The following PRKG1 variants were observed in gnomAD, a reference collection of about 807,000 sequenced individuals.
PRKG1 encodes protein kinase cGMP-dependent 1.
A neutral mutation model predicts 88.1 loss-of-function variants in PRKG1; 35 were observed. The observed-to-expected ratio is 0.40, with a 90% CI of 0.30 to 0.53. The LOEUF (loss-of-function observed/expected upper bound fraction) is 0.53, where lower values mean the gene tolerates loss of function less well. PRKG1 is among the 20% of genes least tolerant of loss of function. The pLI, the probability that PRKG1 is intolerant of heterozygous loss-of-function variation, is 0.59. For missense variants in PRKG1, 540 were observed against 839.8 expected (o/e 0.64, Z 4.41); for synonymous variants, 303 against 292.5 (o/e 1.04, Z -0.37).
chr10:51,445,682 C>G (rs1454494104), intron 2 of PRKG1, among the ~76,000 whole-genome samples: 1 of 151,698 alleles, frequency 6.6e-6, no homozygotes, highest in Non-Finnish European at 1.5e-5. Context: ...TACTTGATTC[C>G]AGTATTTTTA....
chr10:51,803,505 C>T (rs942527633), intron 3 of PRKG1, among the ~76,000 whole-genome samples: 58 of 152,126 alleles, frequency 3.8e-4, no homozygotes, highest in Admixed American at 3.7e-3. Flanking sequence ...CCCCACAAGG[C>T]ACACACATGT....
chr10:52,174,762 C>A (rs1339392638), intron 9 of PRKG1, among the ~76,000 whole-genome samples: 1 of 151,958 alleles, frequency 6.6e-6, no homozygotes, highest in Admixed American at 6.6e-5. Flanking sequence ...TAATGAAGCA[C>A]ATATATTCCT....
intron 4 of PRKG1, among the ~76,000 whole-genome samples, chr10:51,895,079 A>AT (rs1230164557): frequency 6.6e-6 from 1 of 152,198 alleles, no homozygotes; most frequent in Non-Finnish European, 1.5e-5. Context: ...TCATTTAAAA[A>AT]TTGTTATATT....
At chr10:51,854,888 C>G (rs1446346034) in intron 4 of PRKG1, among the ~76,000 whole-genome samples, 6 of 151,834 alleles carry the variant, frequency 4.0e-5, no homozygotes, top group Non-Finnish European at 8.8e-5. Flanking sequence ...GGACTTGCGC[C>G]CACCAGCAGC....
At chr10:51,820,608 G>C (rs1839718899) in intron 4 of PRKG1, among the ~76,000 whole-genome samples, 1 of 152,080 alleles carries the variant, frequency 6.6e-6, no homozygotes, top group Admixed American at 6.5e-5. Context: ...CCTTGCTATG[G>C]CTTCAGAGCA....
chr10:51,784,191 A>G (rs1218059129), intron 3 of PRKG1, among the ~76,000 whole-genome samples: 6 of 151,990 alleles, frequency 3.9e-5, no homozygotes, highest in Admixed American at 1.3e-4. Context: ...GGCCCTGCAG[A>G]GTCTCTTAGT....
At chr10:52,065,085 G>T (rs972167643) in intron 7 of PRKG1, among the ~76,000 whole-genome samples, 1 of 151,972 alleles carries the variant, frequency 6.6e-6, no homozygotes, top group African/African-American at 2.4e-5. Context: ...AGCACTTGGG[G>T]GTTCTTCTCA....
At chr10:52,037,015 C>T (rs1345811109) in intron 5 of PRKG1, among the ~76,000 whole-genome samples, 2 of 152,286 alleles carry the variant, frequency 1.3e-5, no homozygotes, top group Non-Finnish European at 2.9e-5. Flanking sequence ...CCGAGGCGAT[C>T]AAGCAGTGTC....
At chr10:51,231,661 G>A (rs758420241) in intron 2 of PRKG1, among the ~76,000 whole-genome samples, 2 of 151,508 alleles carry the variant, frequency 1.3e-5, no homozygotes, top group Non-Finnish European at 2.9e-5. Flanking sequence ...CAAACTAGAC[G>A]TTCTGTTGAG....
At chr10:51,107,082 T>G (rs546711343) in intron 1 of PRKG1, among the ~76,000 whole-genome samples, 1 of 152,196 alleles carries the variant, frequency 6.6e-6, no homozygotes, top group Admixed American at 6.5e-5. Context: ...GGGAAGGACT[T>G]TTATTTGATC....
intron 3 of PRKG1, among the ~76,000 whole-genome samples, chr10:51,672,934 A>AG (rs1840619994): frequency 6.6e-6 from 1 of 152,140 alleles, no homozygotes; most frequent in Non-Finnish European, 1.5e-5. Context: ...AAACTTTCAT[A>AG]GGCACATGAT....
chr10:51,450,273 A>G (rs550644003), intron 2 of PRKG1, among the ~76,000 whole-genome samples: 34 of 152,134 alleles, frequency 2.2e-4, no homozygotes, highest in African/African-American at 7.5e-4. Flanking sequence ...GATAAAGTTT[A>G]TATTTTATAG....
intron 7 of PRKG1, among the ~76,000 whole-genome samples, chr10:52,118,300 T>C (rs1462020215): frequency 6.6e-6 from 1 of 152,050 alleles, no homozygotes; most frequent in Non-Finnish European, 1.5e-5. Context: ...GTATTCTTTA[T>C]ATTATTATCA....
intron 2 of PRKG1, among the ~76,000 whole-genome samples, chr10:51,408,558 A>G (rs773939314): frequency 1.3e-5 from 2 of 152,144 alleles, no homozygotes; most frequent in Non-Finnish European, 2.9e-5. Flanking sequence ...GGTTCAATAT[A>G]ATCAACCTGC....
At chr10:52,009,065 A>C (rs1266300543) in intron 5 of PRKG1, among the ~76,000 whole-genome samples, 1 of 152,186 alleles carries the variant, frequency 6.6e-6, no homozygotes, top group Admixed American at 6.5e-5. Context: ...TCTCACAGCC[A>C]ACATTATACT....
chr10:51,440,180 A>G lies in PRKG1; in HGVS notation c.479-27543A>G, dbSNP rs184398758. On this transcript the variant is annotated intron_variant, in intron 2 of 17. Coordinates refer to ENST00000373980, the MANE Select transcript of PRKG1 (RefSeq NM_006258.4). ...CGTTCAATCTTTCATGCTGTGTCTT[A>G]TCTCCAAATAGTGCAGTTTGATTTT... 8.8e-4 allele frequency among the ~76,000 whole-genome samples: 132 copies of G among 150,514 alleles called. 2 individuals are homozygous for G. Among genetic ancestry groups the G allele is most frequent in the Non-Finnish European group, 1.4e-3 (93 of 67,358 alleles).
intron 3 of PRKG1, among the ~76,000 whole-genome samples, chr10:51,681,782 T>G (rs1011231857): frequency 1.3e-5 from 2 of 152,190 alleles, no homozygotes; most frequent in Non-Finnish European, 2.9e-5. Flanking sequence ...AGATGAGGAT[T>G]AATTAAATCA....
At chr10:51,330,140 TA>T (rs1451180250) in intron 2 of PRKG1, among the ~76,000 whole-genome samples, 184 of 131,876 alleles carry the variant, frequency 1.4e-3, no homozygotes, top group African/African-American at 4.4e-3. Flanking sequence ...TTTATTTATT[TA>T]TTTATTTTTT....
chr10:51,392,933 ACGGGGCGGCTGGCCGGGCTGAGG>A (rs1837463246), intron 2 of PRKG1, among the ~76,000 whole-genome samples: 1 of 70,262 alleles, frequency 1.4e-5, no homozygotes, highest in Admixed American at 1.2e-4. Context: ...TCCCTCCCGG[ACGGGGCGGCTGGCCGGGCTGAGG>A]GCTGACCCCC....
Sources: allele counts gnomAD v4.1 joint callset (sites outside exome capture counted in the v4.1 genomes callset), GRCh38; gene constraint gnomAD v4.1.1; transcripts MANE v1.5; gene names NCBI Gene and HGNC (gene_info 2026-07-23, HGNC 2026-07-21).